LRBA: variants seen among roughly 807,000 people sequenced by gnomAD.
The protein encoded by LRBA is LPS responsive beige-like anchor protein, also known as lipopolysaccharide-responsive and beige-like anchor protein.
In LRBA, 176 loss-of-function variants were observed where a neutral mutation model predicts 330.0. The ratio of observed to expected loss-of-function variants is 0.53; its 90% CI spans 0.47 to 0.60. The LOEUF is 0.60. LRBA is among the 20% of genes least tolerant of loss of function. The pLI, the probability that LRBA is intolerant of heterozygous loss-of-function variation, is 0.00. For missense variants in LRBA, 3,259 were observed against 3,444.8 expected, an observed-to-expected ratio of 0.95 and a Z score of 1.35; for synonymous variants, 1,230 against 1,193.0, an observed-to-expected ratio of 1.03 and a Z score of -0.64.
At chr4:150,758,669 GCTCAAGTGATCCTCCTGC>G (rs371528385) in intron 35 of LRBA, among the ~76,000 whole-genome samples, 81 of 150,686 alleles carry the variant, frequency 5.4e-4, no homozygotes, top group African/African-American at 1.9e-3. Context: ...GACCTCCTGG[GCTCAAGTGATCCTCCTGC>G]CTCACCCTCC....
intron 44 of LRBA, among the ~76,000 whole-genome samples, chr4:150,454,388 A>G (rs1400174918): frequency 6.6e-6 from 1 of 152,090 alleles, no homozygotes; most frequent in Non-Finnish European, 1.5e-5. Flanking sequence ...CAATATCTCA[A>G]GTTTATAAAG....
At chr4:150,393,948 G>C (rs1230417489) in intron 47 of LRBA, among the ~76,000 whole-genome samples, 4 of 152,206 alleles carry the variant, frequency 2.6e-5, no homozygotes, top group African/African-American at 7.2e-5. Context: ...GTTTTCACAA[G>C]AGTAATAAGT....
intron 17 of LRBA, among the ~76,000 whole-genome samples, chr4:150,873,277 A>C (rs2127011100): frequency 6.6e-6 from 1 of 152,336 alleles, no homozygotes; most frequent in South Asian, 2.1e-4. Flanking sequence ...ATTATATAGT[A>C]ATCTAATTTA....
At chr4:150,336,784 G>A (rs1734810110) in intron 48 of LRBA, among the ~76,000 whole-genome samples, 1 of 152,150 alleles carries the variant, frequency 6.6e-6, no homozygotes, top group Non-Finnish European at 1.5e-5. Context: ...TCTTGTAGCT[G>A]TCCATCTACT....
chr4:150,481,442 A>G (rs1314362009), intron 42 of LRBA, among the ~76,000 whole-genome samples: 1 of 152,108 alleles, frequency 6.6e-6, no homozygotes, highest in Non-Finnish European at 1.5e-5. Context: ...TAAATGTATA[A>G]TATTTATCAA....
intron 36 of LRBA, among the ~76,000 whole-genome samples, chr4:150,714,197 T>C (rs925475867): frequency 6.6e-6 from 1 of 152,226 alleles, no homozygotes; most frequent in African/African-American, 2.4e-5. Flanking sequence ...ATTCCCTTTA[T>C]GTGGATACTA....
intron 17 of LRBA, among the ~76,000 whole-genome samples, chr4:150,883,000 G>A (rs1348522479): frequency 6.6e-6 from 1 of 152,174 alleles, no homozygotes; most frequent in Non-Finnish European, 1.5e-5. Context: ...AAATGTTACT[G>A]ATGACTATGA....
In LRBA at chr4:150,979,309, G is replaced by A. The variant is rs1418002296; in HGVS notation, c.216+35118C>T. Among the ~76,000 whole-genome samples the A allele has an allele frequency of 2.0e-5, 3 of 152,104 alleles. No homozygotes were observed. The East Asian group carries it at 5.8e-4, about 29-fold the overall frequency. ...TCCAGTGAAAATATCCTTCAAACAT[G>A]AAGAAGAAATTAAGACTTCCAAGAC... On this transcript the variant is annotated intron_variant, in intron 2 of 56. Transcript: ENST00000651943.
At chr4:151,010,024 G>C (rs971382535) in intron 2 of LRBA, among the ~76,000 whole-genome samples, 2 of 151,408 alleles carry the variant, frequency 1.3e-5, no homozygotes, top group Non-Finnish European at 3.0e-5. Flanking sequence ...AAATTTTAAA[G>C]AGATGATTTA....
intron 56 of LRBA, among the ~76,000 whole-genome samples, chr4:150,273,554 T>A (rs948638776): frequency 9.9e-5 from 15 of 151,856 alleles, no homozygotes; most frequent in African/African-American, 3.4e-4. Flanking sequence ...CAGTGTGCTA[T>A]ATTCAGGAGA....
At chr4:150,966,308 ATTCT>A (rs1048778602) in intron 2 of LRBA, among the ~76,000 whole-genome samples, 2 of 149,690 alleles carry the variant, frequency 1.3e-5, no homozygotes, top group Non-Finnish European at 3.0e-5. Flanking sequence ...TTGCTAGTTC[ATTCT>A]TTTTTTTTTT....
intron 40 of LRBA, among the ~76,000 whole-genome samples, chr4:150,569,630 G>C (rs935063400): frequency 6.6e-6 from 1 of 152,062 alleles, no homozygotes; most frequent in African/African-American, 2.4e-5. Flanking sequence ...CCTCAATTCT[G>C]CTTCATCAGC....
intron 49 of LRBA, among the ~76,000 whole-genome samples, chr4:150,323,896 A>C (rs1732888021): frequency 6.6e-6 from 1 of 152,216 alleles, no homozygotes; most frequent in Non-Finnish European, 1.5e-5. Context: ...AGGCTGGGGT[A>C]CAAGTAGGAA....
At chr4:150,582,921 G>A in intron 40 of LRBA, 3 of 1,314,322 alleles carry the variant, frequency 2.3e-6, no homozygotes, top group Non-Finnish European at 1.0e-6. Flanking sequence ...GGCTTAACGG[G>A]GAGCGCACCG....
At position 150,817,043 on chromosome 4, in the gene LRBA, T is replaced by A. The variant is rs372352358; in HGVS notation, c.5305+81A>T. On this transcript the variant is annotated intron_variant, in intron 31 of 56. Coordinates refer to ENST00000651943, the MANE Select transcript of LRBA (RefSeq NM_001364905.1). ...AATGGTTTCTAATGTGCCCCCAAAT[T>A]TTAAGTTAATCAAAAATCTTAAGCG... 5.4e-6 allele frequency: 7 copies of A among 1,307,784 alleles called. No individual in the cohort carries two copies. In the African/African-American group the frequency reaches 7.3e-5, roughly 14 times the overall value. 81.0% of individuals were successfully genotyped at this position (1,307,784 alleles called of 1,614,324 possible).
intron 2 of LRBA, among the ~76,000 whole-genome samples, chr4:150,934,761 C>A (rs1272145803): frequency 6.6e-6 from 1 of 152,086 alleles, no homozygotes; most frequent in African/African-American, 2.4e-5. Flanking sequence ...GTAATCCCAG[C>A]ACTTTGGGAG....
chr4:150,970,940 T>C (rs1739519518), intron 2 of LRBA, among the ~76,000 whole-genome samples: 1 of 152,136 alleles, frequency 6.6e-6, no homozygotes, highest in Admixed American at 6.5e-5. Flanking sequence ...ATTTTAAAGA[T>C]ACAGAAACTA....
intron 36 of LRBA, among the ~76,000 whole-genome samples, chr4:150,708,258 A>G (rs550526399): frequency 6.6e-6 from 1 of 151,864 alleles, no homozygotes. Context: ...AGATAACTCA[A>G]TTCTGTTCAG....
rs193216653 is a variant in LRBA at position 150,952,276 on chromosome 4, A to G, written c.217-23211T>C. On this transcript the variant is annotated intron_variant, in intron 2 of 56. Transcript: ENST00000651943. ...TATATGTGTGTGTGTGTGTGTGTGT[A>G]TGTCTATAGAGAGAGAGATAGGTAG... Among the ~76,000 whole-genome samples, 5 of 150,644 alleles carry G rather than the reference A, an allele frequency of 3.3e-5. No individual in the cohort carries two copies. In the East Asian group the frequency reaches 5.8e-4, roughly 18 times the overall value.
Sources: allele counts gnomAD v4.1 joint callset (sites outside exome capture counted in the v4.1 genomes callset), GRCh38; gene constraint gnomAD v4.1.1; transcripts MANE v1.5; gene names NCBI Gene and HGNC (gene_info 2026-07-23, HGNC 2026-07-21).